LRRC9: variants seen among roughly 807,000 people sequenced by gnomAD.
LRRC9 encodes leucine rich repeat containing 9.
LRRC9 carries 122 observed loss-of-function variants against 63.2 expected under a neutral mutation model. The ratio of observed to expected loss-of-function variants is 1.93; its 90% confidence interval spans 1.67 to 2.24. The LOEUF (loss-of-function observed/expected upper bound fraction) is 2.24. LRRC9 is among the 30% of genes most tolerant of loss of function. The pLI, the probability that LRRC9 is intolerant of heterozygous loss-of-function variation, is 0.00. For missense variants in LRRC9, 1,071 were observed against 627.7 expected (o/e 1.71, Z -7.55); for synonymous variants, 366 against 213.1 (o/e 1.72, Z -6.25).
intron 28 of LRRC9, among the ~76,000 whole-genome samples, chr14:60,030,054 T>G (rs1021059605): frequency 2.0e-5 from 3 of 152,074 alleles, no homozygotes; most frequent in South Asian, 2.1e-4. Context: ...CACTTCAAAT[T>G]TGATTTTTGA....
exon 15 of LRRC9, chr14:59,978,121 T>C (rs747901731): frequency 1.9e-4 from 135 of 701,898 alleles, no homozygotes; most frequent in Non-Finnish European, 3.3e-4. Flanking sequence ...TGAATTTGAG[T>C]ATATTACAAT....
rs1274033888 is a variant in LRRC9 at position 60,051,954 on chromosome 14, G to A, written c.3991-1111G>A. Among the ~76,000 whole-genome samples the A allele has an allele frequency of 6.6e-6, 1 of 152,186 alleles. No homozygotes were observed. The highest frequency in any genetic ancestry group is 2.4e-5 in the African/African-American group (1 of 41,454). Reference sequence around the variant, plus strand: ...TCATTTGGCTCTGTGCCACTCCCATGTGGGCTGTCACCCCACCCTGCTTTT... The same window carrying A: ...TCATTTGGCTCTGTGCCACTCCCATATGGGCTGTCACCCCACCCTGCTTTT... On this transcript the variant is annotated intron_variant, in intron 29 of 31. Transcript: ENST00000445360. The surrounding 1 kb of genome is among the most constrained non-coding windows in gnomAD (Gnocchi z 4.7).
At chr14:59,975,751 C>T (rs376915232) in intron 13 of LRRC9, among the ~76,000 whole-genome samples, 7 of 152,098 alleles carry the variant, frequency 4.6e-5, no homozygotes, top group South Asian at 2.1e-4. Flanking sequence ...AGTATTAATG[C>T]GTGGTACCAA....
At chr14:59,978,525 T>C (rs1327846582) in intron 15 of LRRC9, among the ~76,000 whole-genome samples, 1 of 152,208 alleles carries the variant, frequency 6.6e-6, no homozygotes, top group South Asian at 2.1e-4. Context: ...TAATAACAGA[T>C]ACCATTTGAC....
chr14:59,943,434 T>A (rs1451541940), intron 7 of LRRC9, among the ~76,000 whole-genome samples: 5 of 152,070 alleles, frequency 3.3e-5, no homozygotes. Flanking sequence ...CCCACAGAAT[T>A]TTGTATTGGA....
In LRRC9 at chr14:59,938,695, T is replaced by C; in HGVS notation, c.726+123T>C. 4.2e-6 allele frequency: 2 copies of C among 476,492 alleles called. No individual in the cohort carries two copies. Among genetic ancestry groups the C allele is most frequent in the Non-Finnish European group, 7.3e-6 (2 of 272,774 alleles). 29.5% of individuals were successfully genotyped at this position (476,492 alleles called of 1,614,324 possible). On this transcript the variant is annotated intron_variant, in intron 7 of 31. Coordinates refer to ENST00000445360, the Ensembl canonical transcript of LRRC9. This position sits in a 1 kb window ranked among gnomAD's most constrained non-coding sequence, Gnocchi z 4.2. ...CAGTTCTTGTTGCCAAGTCTGCTTT[T>C]GCCCTAGTGAACTGGATATTACACA... is the stretch of plus-strand genomic sequence containing the variant.
Position 59,990,649 on chromosome 14 carries a change from C to T in LRRC9, c.2211+5425C>T, listed in dbSNP as rs1001746375. 6.6e-6 allele frequency among the ~76,000 whole-genome samples: 1 copy of T among 151,640 alleles called. No homozygotes were observed. ...CTGGTCTCAAACTCCTGGTCTCAGGCAGTTCTCCTGCCTCAGCCTCCCAAA... is the reference window on the plus strand; with the variant it reads ...CTGGTCTCAAACTCCTGGTCTCAGGTAGTTCTCCTGCCTCAGCCTCCCAAA... On this transcript the variant is annotated intron_variant, in intron 17 of 31. Coordinates refer to ENST00000445360, the Ensembl canonical transcript of LRRC9. The surrounding 1 kb of genome is among the most constrained non-coding windows in gnomAD (Gnocchi z 4.2).
rs972945128 is a variant in LRRC9, at chr14:60,003,487, C to A, written c.2665-134C>A. 14 of 544,044 alleles carry A rather than the reference C, an allele frequency of 2.6e-5. No individual in the cohort carries two copies. The highest frequency in any genetic ancestry group is 4.5e-5 in the Non-Finnish European group (14 of 312,396). 33.7% of individuals were successfully genotyped at this position (544,044 alleles called of 1,614,324 possible). A position where few individuals can be genotyped will look rare whatever the true frequency, so the allele number is the denominator to read the frequency against. On this transcript the variant is annotated intron_variant, in intron 20 of 31. Coordinates refer to ENST00000445360, the Ensembl canonical transcript of LRRC9. This position sits in a 1 kb window ranked among gnomAD's most constrained non-coding sequence, Gnocchi z 4.2. ...CTGTAAACTGACAGCTTCACAATAT[C>A]TTTAGCTCCTGAAGGAATTCTTTTG...
intron 8 of LRRC9, among the ~76,000 whole-genome samples, chr14:59,956,201 C>G (rs1883731901): frequency 6.6e-6 from 1 of 151,918 alleles, no homozygotes; most frequent in Non-Finnish European, 1.5e-5. Context: ...TTGTTAACTT[C>G]CTGTCTTGTT....
Position 59,932,925 on chromosome 14 carries a change from T to C in LRRC9, c.543+886T>C, listed in dbSNP as rs118118354. ...CTCATCTATTTCAGAGTAGAAGACA[T>C]TTCATATAATGGGGCCATAAGACTA... On this transcript the variant is annotated intron_variant, in intron 6 of 31. Coordinates refer to ENST00000445360, the Ensembl canonical transcript of LRRC9. This position sits in a 1 kb window ranked among gnomAD's most constrained non-coding sequence, Gnocchi z 4.7. 0.021 allele frequency among the ~76,000 whole-genome samples: 3,236 copies of C among 152,142 alleles called. 60 individuals carry two copies. The highest frequency in any genetic ancestry group is 0.05 in the South Asian group (243 of 4,818).
Position 60,019,116 on chromosome 14 carries a change from T to C in LRRC9, c.3427-5T>C, listed in dbSNP as rs765761267. ...TTTCTGATTAATAAGATATTCTTTC[T>C]GTAGGTCTTATGCCTTAACTATAAT... On this transcript the variant is annotated splice_polypyrimidine_tract_variant and splice_region_variant and intron_variant, in intron 25 of 31. Transcript: ENST00000445360. 18 of 666,710 alleles carry C rather than the reference T, an allele frequency of 2.7e-5. No homozygotes were observed. The South Asian group carries it at 2.8e-4, about 11-fold the overall frequency. The allele number at this position is 666,710 out of a possible 1,614,324, so 41.3% of individuals were successfully genotyped here.
chr14:60,061,147 T>C (rs956123412), intron 31 of LRRC9, among the ~76,000 whole-genome samples: 1 of 152,232 alleles, frequency 6.6e-6, no homozygotes, highest in Non-Finnish European at 1.5e-5. Context: ...ACAAACTTAG[T>C]TGATAGAGCA....
At chr14:59,939,075 A>ATATATATACG (rs1881458767) in intron 7 of LRRC9, among the ~76,000 whole-genome samples, 1 of 147,890 alleles carries the variant, frequency 6.8e-6, no homozygotes, top group African/African-American at 2.5e-5. Flanking sequence ...GTATATACAC[A>ATATATATACG]TATATACACA....
At position 59,923,104 on chromosome 14, in the gene LRRC9, G is replaced by A. The variant is rs1360044734; in HGVS notation, c.-34+3221G>A. On this transcript the variant is annotated intron_variant, in intron 1 of 31. Transcript: ENST00000445360. The surrounding 1 kb of genome is among the most constrained non-coding windows in gnomAD (Gnocchi z 4.2). ...AGAGTAGTTACAAGCTGGCCAACAG[G>A]ACATTCACCTCTTGATGAATTCAGT... Among the ~76,000 whole-genome samples, 2 of 152,136 alleles carry A rather than the reference G, an allele frequency of 1.3e-5. No individual in the cohort carries two copies. The highest frequency in any genetic ancestry group is 2.9e-5 in the Non-Finnish European group (2 of 68,018).
Position 60,003,255 on chromosome 14 carries a change from C to T in LRRC9, c.2665-366C>T, listed in dbSNP as rs1024068589. Among the ~76,000 whole-genome samples, 4 of 152,204 alleles carry T rather than the reference C, an allele frequency of 2.6e-5. No individual in the cohort carries two copies. Among genetic ancestry groups the T allele is most frequent in the Admixed American group, 6.5e-5 (1 of 15,282 alleles). The stretch of plus-strand genomic sequence containing the variant: ...GGCCTTTATAGGCTTCCATCACTGG[C>T]TGAGGGCCAACCTGGGAAGGAGAGT... On this transcript the variant is annotated intron_variant, in intron 20 of 31. Coordinates refer to ENST00000445360, the Ensembl canonical transcript of LRRC9. The surrounding 1 kb of genome is among the most constrained non-coding windows in gnomAD (Gnocchi z 4.2).
intron 8 of LRRC9, among the ~76,000 whole-genome samples, chr14:59,959,590 C>A (rs572028940): frequency 2.0e-5 from 3 of 152,086 alleles, no homozygotes; most frequent in African/African-American, 7.2e-5. Flanking sequence ...TGGTTAAGGT[C>A]GGCACTTGGT....
intron 8 of LRRC9, among the ~76,000 whole-genome samples, chr14:59,948,319 T>G (rs1338469110): frequency 7.0e-6 from 1 of 143,330 alleles, no homozygotes; most frequent in Non-Finnish European, 1.5e-5. Flanking sequence ...TGTCTGTTGT[T>G]GGTGTATAGG....
At chr14:59,976,468 G>T (rs1156319476) in intron 13 of LRRC9, among the ~76,000 whole-genome samples, 1 of 152,024 alleles carries the variant, frequency 6.6e-6, no homozygotes, top group East Asian at 1.9e-4. Flanking sequence ...TGAACTAAAC[G>T]ATACGTGTTT....
chr14:60,041,639 C>G (rs543937614), intron 29 of LRRC9, among the ~76,000 whole-genome samples: 1 of 152,140 alleles, frequency 6.6e-6, no homozygotes, highest in African/African-American at 2.4e-5. Context: ...GTTAGCCATT[C>G]GTCTAATCCT....
Sources: gnomAD v4.1 joint callset for allele counts (sites outside exome capture counted in the v4.1 genomes callset) on GRCh38, gnomAD v4.1.1 for gene constraint, Gnocchi (gnomAD v3.1) non-coding constraint, MANE v1.5 for transcripts, NCBI Gene and HGNC (gene_info 2026-07-23, HGNC 2026-07-21) for gene names.